The following KIF26B variants were observed in gnomAD, a reference collection of about 807,000 sequenced individuals.
KIF26B encodes kinesin family member 26B.
In KIF26B, 63 loss-of-function variants were observed where a neutral mutation model predicts 151.2. That is an observed-to-expected ratio of 0.42 (90% confidence interval 0.34 to 0.51). KIF26B has a LOEUF of 0.51. KIF26B is among the 20% of genes least tolerant of loss of function. The pLI is 0.07. For synonymous variants in KIF26B, 1,357 were observed against 1,262.1 expected (o/e 1.08, Z -1.59); for missense variants, 2,813 against 2,913.6 (o/e 0.97, Z 0.79).
intron 2 of KIF26B, among the ~76,000 whole-genome samples, chr1:245,268,636 C>T (rs1246380454): frequency 1.3e-5 from 2 of 151,762 alleles, no homozygotes; most frequent in African/African-American, 2.4e-5. Context: ...TAAGTACAGA[C>T]ATACAAGTCA....
chr1:245,280,365 C>CAAAAAAAAAAAA (rs1191254237), intron 2 of KIF26B, among the ~76,000 whole-genome samples: 5 of 129,626 alleles, frequency 3.9e-5, no homozygotes, highest in East Asian at 2.3e-4. Context: ...ACAAAAAATA[C>CAAAAAAAAAAAA]AAAAAAAAAA....
intron 5 of KIF26B, among the ~76,000 whole-genome samples, chr1:245,571,625 G>A (rs1291647027): frequency 2.0e-5 from 3 of 152,284 alleles, no homozygotes; most frequent in Admixed American, 6.5e-5. Context: ...CCTTCCTCAC[G>A]ATTTTAGAAA....
At chr1:245,619,734 G>A (rs1469748752) in intron 9 of KIF26B, among the ~76,000 whole-genome samples, 1 of 151,802 alleles carries the variant, frequency 6.6e-6, no homozygotes, top group Non-Finnish European at 1.5e-5. Flanking sequence ...CCAACGTAGT[G>A]AAACCTCGTC....
At chr1:245,229,954 A>G (rs771924595) in intron 2 of KIF26B, among the ~76,000 whole-genome samples, 5 of 151,880 alleles carry the variant, frequency 3.3e-5, no homozygotes, top group Admixed American at 6.6e-5. Flanking sequence ...CCAACATGGT[A>G]AAACCCCATC....
intron 8 of KIF26B, 138 bp downstream of exon 8, chr1:245,609,666 T>C (rs1183973516): frequency 5.5e-6 from 5 of 913,876 alleles, no homozygotes; most frequent in African/African-American, 1.7e-5. Flanking sequence ...ACTGGAACTT[T>C]ATGGCCTGCA....
At chr1:245,605,718 G>T (rs192104822) in intron 6 of KIF26B, among the ~76,000 whole-genome samples, 5 of 152,166 alleles carry the variant, frequency 3.3e-5, no homozygotes. Context: ...AAGCAGCAAG[G>T]GGCCTCCGGG....
In KIF26B at chr1:245,667,085, T is replaced by G. The variant is rs980918858; in HGVS notation, c.2259-17148T>G. Among the ~76,000 whole-genome samples the G allele has an allele frequency of 6.6e-5, 10 of 151,614 alleles. No individual in the cohort carries two copies. The highest frequency in any genetic ancestry group is 4.6e-4 in the Admixed American group (7 of 15,278). On this transcript the variant is annotated intron_variant, in intron 10 of 14. Coordinates refer to ENST00000407071, the MANE Select transcript of KIF26B (RefSeq NM_018012.4). This position sits in a 1 kb window ranked among gnomAD's most constrained non-coding sequence, Gnocchi z 4.3. ...AGGTCATGGCTTGTCCTCTAGGATG[T>G]GATGGGAGGCTGAAAGCATCTCTCT...
At chr1:245,552,675 C>T (rs546878249) in intron 5 of KIF26B, among the ~76,000 whole-genome samples, 20 of 147,468 alleles carry the variant, frequency 1.4e-4, no homozygotes, top group African/African-American at 2.3e-4. Flanking sequence ...TGCAGTGGGG[C>T]GATCTTGGCT....
In KIF26B at chr1:245,698,150, T is replaced by C. The variant is rs1558279604; in HGVS notation, c.5869T>C (p.Ser1957Pro). The change falls in exon 13 of 15, where the codon TCT becomes CCT. Residue 1957 changes from serine to proline, a missense_variant. Physicochemically the swap from Ser to Pro is moderately conservative, Grantham distance 74. This residue lies in a region of KIF26B where 2,060 missense variants were observed against 2,088.6 expected (regional missense o/e 0.99). Coordinates refer to ENST00000407071, the MANE Select transcript of KIF26B (RefSeq NM_018012.4). This position sits in a 1 kb window ranked among gnomAD's most constrained non-coding sequence, Gnocchi z 4.0. Reference sequence around the variant, plus strand: ...TATCCCAGCACTATCCCTGGACACCTCTTCCCCTGTGAGAAAACCCCCCAA... The same window carrying C: ...TATCCCAGCACTATCCCTGGACACCCCTTCCCCTGTGAGAAAACCCCCCAA... ...RLIPALSLDT[S>P]SPVRKPPNST... 2 of 1,614,030 alleles carry C rather than the reference T, an allele frequency of 1.2e-6. No homozygotes were observed. Among genetic ancestry groups the C allele is most frequent in the Non-Finnish European group, 1.7e-6 (2 of 1,179,890 alleles).
intron 4 of KIF26B, among the ~76,000 whole-genome samples, chr1:245,515,297 C>A (rs914455352): frequency 6.6e-6 from 1 of 152,178 alleles, no homozygotes; most frequent in Non-Finnish European, 1.5e-5. Flanking sequence ...AGGGCTTCTC[C>A]TCTGCCATCC....
chr1:245,194,451 C>T (rs1489339037), intron 2 of KIF26B, among the ~76,000 whole-genome samples: 22 of 152,100 alleles, frequency 1.4e-4, no homozygotes, highest in Non-Finnish European at 3.1e-4. Flanking sequence ...GGTGCAAACT[C>T]GGCTCACTGC....
intron 2 of KIF26B, among the ~76,000 whole-genome samples, chr1:245,224,242 G>A (rs1449560088): frequency 2.7e-5 from 4 of 149,832 alleles, no homozygotes; most frequent in South Asian, 4.2e-4. Context: ...CCAAGATTGC[G>A]CCACTGCACT....
chr1:245,378,281 G>T (rs10157940), intron 3 of KIF26B, among the ~76,000 whole-genome samples: 4,598 of 143,004 alleles, frequency 0.032, 232 homozygotes, highest in African/African-American at 0.11. Context: ...TTAGTTACTA[G>T]TAATAGTTAC....
intron 11 of KIF26B, among the ~76,000 whole-genome samples, chr1:245,684,606 C>G (rs1171606298): frequency 6.6e-6 from 1 of 152,244 alleles, no homozygotes; most frequent in African/African-American, 2.4e-5. Flanking sequence ...ACACCTGGTG[C>G]TGGCCCTGGT....
intron 4 of KIF26B, among the ~76,000 whole-genome samples, chr1:245,515,775 T>C (rs1660948794): frequency 6.6e-6 from 1 of 152,198 alleles, no homozygotes; most frequent in South Asian, 2.1e-4. Context: ...ACAAAACTTT[T>C]CATTGCAGAA....
rs573976048 is a variant in KIF26B, at chr1:245,330,040, C to T, written c.466-36794C>T. ...CAGGCTGATCTTGAACCTCTGGGCT[C>T]AACCGATCTGAAGTGCAAAGATTAC... On this transcript the variant is annotated intron_variant, in intron 2 of 14. Coordinates refer to ENST00000407071, the MANE Select transcript of KIF26B (RefSeq NM_018012.4). 2.6e-5 allele frequency among the ~76,000 whole-genome samples: 4 copies of T among 152,152 alleles called. No individual in the cohort carries two copies. The South Asian group carries it at 8.3e-4, about 32-fold the overall frequency.
chr1:245,538,923 T>G (rs959456599), intron 4 of KIF26B, among the ~76,000 whole-genome samples: 1 of 152,040 alleles, frequency 6.6e-6, no homozygotes, highest in African/African-American at 2.4e-5. Context: ...GGAGAGAATT[T>G]CAAAAGGAAT....
At chr1:245,255,059 A>G (rs747374373) in intron 2 of KIF26B, among the ~76,000 whole-genome samples, 5 of 152,102 alleles carry the variant, frequency 3.3e-5, no homozygotes, top group African/African-American at 2.4e-5. Context: ...TGAATGGATT[A>G]ATGTCATTAT....
At chr1:245,433,657 A>G (rs1193833761) in intron 4 of KIF26B, among the ~76,000 whole-genome samples, 1 of 152,154 alleles carries the variant, frequency 6.6e-6, no homozygotes, top group African/African-American at 2.4e-5. Context: ...GCAGTGCACC[A>G]TTTCTGATAA....
Sources: allele counts gnomAD v4.1 joint callset (sites outside exome capture counted in the v4.1 genomes callset), GRCh38; gene constraint gnomAD v4.1.1; regional missense constraint gnomAD v4.1.1; non-coding constraint Gnocchi (gnomAD v3.1); transcripts MANE v1.5; gene names NCBI Gene and HGNC (gene_info 2026-07-23, HGNC 2026-07-21).